IPMK: variants seen among roughly 807,000 people sequenced by gnomAD.
The protein encoded by IPMK is inositol 1,3,4,6-tetrakisphosphate 5-kinase.
IPMK carries 17 observed loss-of-function variants against 45.8 expected under a neutral mutation model. The observed-to-expected ratio is 0.37, with a 90% CI of 0.25 to 0.56. The LOEUF is 0.56. Among genes scored for constraint, IPMK ranks in the 20% least tolerant of loss-of-function variants. The pLI is 0.79. For synonymous variants in IPMK, 180 were observed against 184.3 expected, an observed-to-expected ratio of 0.98 and a Z score of 0.19; for missense variants, 399 against 498.0, an observed-to-expected ratio of 0.80 and a Z score of 1.89.
intron 2 of IPMK, among the ~76,000 whole-genome samples, chr10:58,228,634 C>G (rs768065988): frequency 7.9e-5 from 12 of 152,116 alleles, no homozygotes; most frequent in African/African-American, 2.9e-4. Context: ...CCTGGGTTCA[C>G]GCCATTCTCC....
At chr10:58,210,755 G>C (rs1838146444) in intron 4 of IPMK, among the ~76,000 whole-genome samples, 1 of 152,224 alleles carries the variant, frequency 6.6e-6, no homozygotes, top group Non-Finnish European at 1.5e-5. Context: ...GGGGGTATGT[G>C]TTCGAAGGCA....
intron 2 of IPMK, among the ~76,000 whole-genome samples, chr10:58,236,248 A>G (rs940037485): frequency 1.3e-5 from 2 of 152,140 alleles, no homozygotes; most frequent in African/African-American, 4.8e-5. Context: ...CTCTTATCTG[A>G]TGCAAATTCT....
At chr10:58,197,272 C>G (rs1837911996) in intron 5 of IPMK, among the ~76,000 whole-genome samples, 1 of 124,346 alleles carries the variant, frequency 8.0e-6, no homozygotes, top group South Asian at 2.7e-4. Flanking sequence ...GCACGCCAGC[C>G]TGGGTGACAG....
chr10:58,253,024 C>T (rs1838908196), intron 1 of IPMK, among the ~76,000 whole-genome samples: 1 of 152,096 alleles, frequency 6.6e-6, no homozygotes, highest in Non-Finnish European at 1.5e-5. Flanking sequence ...GTGTCCCCAC[C>T]CAAATCTTAC....
intron 5 of IPMK, among the ~76,000 whole-genome samples, chr10:58,197,627 GCA>G (rs1837923829): frequency 6.8e-6 from 1 of 146,772 alleles, no homozygotes; most frequent in Non-Finnish European, 1.5e-5. Flanking sequence ...TCCAGCCTGC[GCA>G]ACAGAACGAG....
chr10:58,236,603 T>C (rs1293006187), intron 2 of IPMK, among the ~76,000 whole-genome samples: 2 of 152,170 alleles, frequency 1.3e-5, no homozygotes, highest in Non-Finnish European at 2.9e-5. Flanking sequence ...ATGCATTAAA[T>C]TGTTTCTGAA....
In IPMK at chr10:58,223,877, C is replaced by T. The variant is rs190341936; in HGVS notation, c.373+3166G>A. On this transcript the variant is annotated intron_variant, in intron 3 of 5. Coordinates refer to ENST00000373935, the MANE Select transcript of IPMK (RefSeq NM_152230.5). Reference sequence around the variant, plus strand: ...TTCTCTCTCCTGCCACCATGTAAGACGTGCCTTGCTTTCCCTTCACCTTCC... The same window carrying T: ...TTCTCTCTCCTGCCACCATGTAAGATGTGCCTTGCTTTCCCTTCACCTTCC... Among the ~76,000 whole-genome samples, 15 of 152,270 alleles carry T rather than the reference C, an allele frequency of 9.9e-5. No individual in the cohort carries two copies. The East Asian group carries it at 2.7e-3, about 27-fold the overall frequency.
At chr10:58,253,754 A>AAAAAAAAAAAAG (rs1838921566) in intron 1 of IPMK, among the ~76,000 whole-genome samples, 3 of 143,418 alleles carry the variant, frequency 2.1e-5, no homozygotes, top group African/African-American at 2.7e-5. Context: ...AAAAAAAGAA[A>AAAAAAAAAAAAG]AAAAAAGAAA....
chr10:58,252,284 C>T (rs1225777162), intron 1 of IPMK, among the ~76,000 whole-genome samples: 2 of 152,174 alleles, frequency 1.3e-5, no homozygotes, highest in Non-Finnish European at 1.5e-5. Flanking sequence ...ATATCACCCC[C>T]GGTACTTTGA....
At chr10:58,258,094 A>C (rs1838999297) in intron 1 of IPMK, among the ~76,000 whole-genome samples, 2 of 152,134 alleles carry the variant, frequency 1.3e-5, no homozygotes, top group Non-Finnish European at 2.9e-5. Flanking sequence ...GCAGATCATG[A>C]GGTCAGGAGT....
chr10:58,199,272 C>T lies in IPMK; in HGVS notation c.596G>A (p.Gly199Glu), dbSNP rs770476655. 6.2e-7 allele frequency: 1 copy of T among 1,608,830 alleles called. No homozygotes were observed. The highest frequency in any genetic ancestry group is 8.5e-7 in the Non-Finnish European group (1 of 1,177,376). ...DSYETENQHY[G>E]RSLTKETIKD... Reference sequence around the variant, plus strand: ...TATAGTTTCTTTTGTTAAGCTTCTTCCGTAATGCTGGTTTTCTGTCTCATA... The same window carrying T: ...TATAGTTTCTTTTGTTAAGCTTCTTTCGTAATGCTGGTTTTCTGTCTCATA... The change falls in exon 5 of 6, where the codon GGA becomes GAA. Residue 199 changes from glycine to glutamate, a missense_variant. By Grantham distance (98) the Gly-to-Glu change is moderately conservative. Transcript: ENST00000373935.
chr10:58,216,374 C>T, intron 3 of IPMK, 57 bp from the exon 4 acceptor site: 1 of 749,536 alleles, frequency 1.3e-6, no homozygotes, highest in African/African-American at 1.8e-5. Context: ...TACTCAAGTA[C>T]TTGCCAGGGA....
chr10:58,201,093 A>G (rs1837990089), intron 4 of IPMK, among the ~76,000 whole-genome samples: 1 of 152,220 alleles, frequency 6.6e-6, no homozygotes, highest in Non-Finnish European at 1.5e-5. Flanking sequence ...TGTTTAAGGT[A>G]GGTTTTGTAA....
In IPMK at chr10:58,211,034, A is replaced by C. The variant is rs79089043; in HGVS notation, c.546+5111T>G. Among the ~76,000 whole-genome samples, 1,216 of 152,306 alleles carry C rather than the reference A, an allele frequency of 8.0e-3. 15 individuals are homozygous for C. Among genetic ancestry groups the C allele is most frequent in the African/African-American group, 0.026 (1,088 of 41,560 alleles). ...TAGGGAACATCATGATTAGATATAC[A>C]TTCTACAATGTTTAGAGAAAGAATT... On this transcript the variant is annotated intron_variant, in intron 4 of 5. Transcript: ENST00000373935.
intron 2 of IPMK, among the ~76,000 whole-genome samples, chr10:58,232,210 T>G (rs181977501): frequency 6.6e-6 from 1 of 152,138 alleles, no homozygotes. Flanking sequence ...AAAAGAGACT[T>G]AGACCCCCAC....
At chr10:58,245,884 T>A (rs1173553230) in intron 1 of IPMK, among the ~76,000 whole-genome samples, 3 of 135,322 alleles carry the variant, frequency 2.2e-5, no homozygotes, top group Non-Finnish European at 3.0e-5. Context: ...GCAGACGACA[T>A]GATTGTATAT....
chr10:58,232,715 A>C (rs1838543818), intron 2 of IPMK, among the ~76,000 whole-genome samples: 1 of 152,236 alleles, frequency 6.6e-6, no homozygotes, highest in Non-Finnish European at 1.5e-5. Flanking sequence ...ATAAATGCCC[A>C]CAAGAGAAAG....
At chr10:58,231,484 C>A (rs1207403545) in intron 2 of IPMK, among the ~76,000 whole-genome samples, 5 of 152,184 alleles carry the variant, frequency 3.3e-5, no homozygotes, top group Non-Finnish European at 7.4e-5. Flanking sequence ...GATCTCTCGG[C>A]AGAAACCCTA....
chr10:58,204,312 T>C (rs565771308), intron 4 of IPMK, among the ~76,000 whole-genome samples: 3 of 152,250 alleles, frequency 2.0e-5, no homozygotes, highest in South Asian at 2.1e-4. Context: ...TTTTTTTTAA[T>C]GGAAAGAAAA....
Sources: gnomAD v4.1 joint callset for allele counts (sites outside exome capture counted in the v4.1 genomes callset) on GRCh38, gnomAD v4.1.1 for gene constraint, MANE v1.5 for transcripts, NCBI Gene and HGNC (gene_info 2026-07-23, HGNC 2026-07-21) for gene names.